TAS1R1: variants seen among roughly 807,000 people sequenced by gnomAD.
TAS1R1 encodes taste receptor type 1 member 1.
In TAS1R1, 31 loss-of-function variants were observed where a neutral mutation model predicts 45.8. That is an observed-to-expected ratio of 0.68 (90% CI 0.51 to 0.91). The LOEUF is 0.91. TAS1R1 is among the 40% of genes least tolerant of loss of function. The probability of loss-of-function intolerance (pLI) is 0.00; values close to 1 mark genes in which losing one functional copy is unlikely to be tolerated. For missense variants in TAS1R1, 1,051 were observed against 1,063.9 expected (o/e 0.99, Z 0.17); for synonymous variants, 437 against 448.4 (o/e 0.97, Z 0.32).
intron 1 of TAS1R1, among the ~76,000 whole-genome samples, chr1:6,566,214 G>A (rs1264140482): frequency 6.6e-6 from 1 of 152,204 alleles, no homozygotes; most frequent in East Asian, 1.9e-4. Flanking sequence ...CTTGGAGAAG[G>A]ACAGTCCCTA....
At position 6,574,937 on chromosome 1, in the gene TAS1R1, A is replaced by G; in HGVS notation, c.805A>G (p.Thr269Ala). The change falls in exon 3 of 6, where the codon ACC (threonine) becomes GCC (alanine). Residue 269 changes from threonine to alanine, a missense_variant. Transcript: ENST00000333172. This position sits in a 1 kb window ranked among gnomAD's most constrained non-coding sequence, Gnocchi z 4.3. ...LMRHLAQAGA[T>A]VVVVFSSRQL... Reference sequence around the variant, plus strand: ...GCGCCACCTGGCCCAGGCCGGGGCCACCGTCGTGGTTGTTTTTTCCAGCCG... The same window carrying G: ...GCGCCACCTGGCCCAGGCCGGGGCCGCCGTCGTGGTTGTTTTTTCCAGCCG... 1 of 1,611,976 alleles carries G rather than the reference A, an allele frequency of 6.2e-7. No individual in the cohort carries two copies. Among genetic ancestry groups the G allele is most frequent in the South Asian group, 1.1e-5 (1 of 91,024 alleles).
chr1:6,560,857 G>A (rs1340584425), intron 1 of TAS1R1, among the ~76,000 whole-genome samples: 3 of 152,030 alleles, frequency 2.0e-5, no homozygotes, highest in African/African-American at 4.8e-5. Context: ...GGTGATGGGC[G>A]CCTGTAGTCC....
At chr1:6,568,898 A>G (rs775723222) in intron 1 of TAS1R1, among the ~76,000 whole-genome samples, 2 of 152,218 alleles carry the variant, frequency 1.3e-5, no homozygotes, top group Admixed American at 6.5e-5. Context: ...ATTCTTTGAT[A>G]TAAGTATCGG....
chr1:6,561,074 G>A (rs902776441), intron 1 of TAS1R1, among the ~76,000 whole-genome samples: 25 of 150,850 alleles, frequency 1.7e-4, no homozygotes, highest in Admixed American at 1.3e-4. Flanking sequence ...ATCATGTCTT[G>A]TACTGTCCCA....
chr1:6,561,350 G>A (rs778540555), intron 1 of TAS1R1, among the ~76,000 whole-genome samples: 15 of 152,272 alleles, frequency 9.9e-5, no homozygotes, highest in Middle Eastern at 3.4e-3. Flanking sequence ...AAGAAGATGC[G>A]CAGTCCACCT....
At chr1:6,561,672 G>A (rs967226924) in intron 1 of TAS1R1, among the ~76,000 whole-genome samples, 7 of 150,072 alleles carry the variant, frequency 4.7e-5, no homozygotes, top group Non-Finnish European at 7.4e-5. Context: ...CCCAGCTCGC[G>A]CCACCGCACT....
chr1:6,579,212 T>G lies in TAS1R1; in HGVS notation c.2154T>G (p.Leu718=). 1 of 1,614,174 alleles carries G rather than the reference T, an allele frequency of 6.2e-7. No homozygotes were observed. The highest frequency in any genetic ancestry group is 8.5e-7 in the Non-Finnish European group (1 of 1,180,032). ...AGCGCTTCCCCCATCTGGTGATGCT[T>G]GAGTGCACAGAGACCAACTCCCTGG... is the stretch of plus-strand genomic sequence containing the variant. ...EYQRFPHLVM[L]ECTETNSLGF... The change falls in exon 6 of 6, where the codon CTT becomes CTG. Residue 718 remains leucine (L), a synonymous_variant. Coordinates refer to ENST00000333172, the MANE Select transcript of TAS1R1 (RefSeq NM_138697.4).
In TAS1R1 at chr1:6,578,917, A is replaced by G. The variant is rs1640278010; in HGVS notation, c.1859A>G (p.Tyr620Cys). 1 of 1,613,266 alleles carries G rather than the reference A, an allele frequency of 6.2e-7. No homozygotes were observed. Among genetic ancestry groups the G allele is most frequent in the Non-Finnish European group, 8.5e-7 (1 of 1,179,532 alleles). The change falls in exon 6 of 6, where the codon TAT becomes TGT. Residue 620 changes from tyrosine (Y) to cysteine (C), a missense_variant. By Grantham distance (194) the Tyr-to-Cys change is radical (BLOSUM62 -2). Coordinates refer to ENST00000333172, the MANE Select transcript of TAS1R1 (RefSeq NM_138697.4). ...GSLAAGSGSL[Y>C]GFFGEPTRPA... Reference sequence around the variant, plus strand: ...CTGGCAGCAGGTAGTGGCAGCCTCTATGGCTTCTTTGGGGAACCCACAAGG... The same window carrying G: ...CTGGCAGCAGGTAGTGGCAGCCTCTGTGGCTTCTTTGGGGAACCCACAAGG...
rs147087066 is a variant in TAS1R1, at chr1:6,574,962, G to A, written c.830G>A (p.Arg277Gln). Residue 277 changes from arginine (R) to glutamine (Q), a missense_variant, in exon 3 of 6, where the codon CGG becomes CAG. By Grantham distance (43) the Arg-to-Gln change is conservative (BLOSUM62 1). Transcript: ENST00000333172. This position sits in a 1 kb window ranked among gnomAD's most constrained non-coding sequence, Gnocchi z 4.3. ...ACCGTCGTGGTTGTTTTTTCCAGCC[G>A]GCAGTTGGCCAGGGTGTTTTTCGAG... ...GATVVVVFSS[R>Q]QLARVFFESV... 9.3e-6 allele frequency: 15 copies of A among 1,607,886 alleles called. No individual in the cohort carries two copies. In the African/African-American group the frequency reaches 9.4e-5, roughly 10 times the overall value.
chr1:6,574,709 A>T lies in TAS1R1; in HGVS notation c.577A>T (p.Lys193Ter). 1.2e-6 allele frequency: 2 copies of T among 1,614,202 alleles called. No individual in the cohort carries two copies. The highest frequency in any genetic ancestry group is 1.7e-6 in the Non-Finnish European group (2 of 1,180,028). ...PSFLRTIPND[K>*]YQVETMVLLL... ...TTTCCTGCGCACCATCCCCAATGAC[A>T]AGTACCAGGTGGAGACCATGGTGCT... is the stretch of plus-strand genomic sequence containing the variant. The change falls in exon 3 of 6, where the codon AAG (lysine) becomes TAG (stop). Residue 193 changes from lysine to a stop codon, truncating the protein, a stop_gained. Transcript: ENST00000333172. LOFTEE classifies it high-confidence loss of function. The surrounding 1 kb of genome is among the most constrained non-coding windows in gnomAD (Gnocchi z 4.3).
chr1:6,564,625 G>C (rs577994056), intron 1 of TAS1R1, among the ~76,000 whole-genome samples: 2 of 152,100 alleles, frequency 1.3e-5, no homozygotes, highest in Non-Finnish European at 2.9e-5. Context: ...ATATGGAGGC[G>C]CCACTGGACG....
intron 1 of TAS1R1, among the ~76,000 whole-genome samples, chr1:6,557,175 G>A (rs981846327): frequency 6.6e-6 from 1 of 151,300 alleles, no homozygotes; most frequent in Non-Finnish European, 1.5e-5. Flanking sequence ...AGTGTATGAC[G>A]ACCTACTCGA....
intron 1 of TAS1R1, 45 bp downstream of exon 1, chr1:6,555,609 T>G (rs1347952286): frequency 1.3e-6 from 2 of 1,512,104 alleles, no homozygotes; most frequent in African/African-American, 1.4e-5. Context: ...GACCCCTGGC[T>G]ATAGGGCCCC....
chr1:6,577,126 G>C (rs955741854), intron 5 of TAS1R1, 56 bp downstream of exon 5: 47 of 1,606,932 alleles, frequency 2.9e-5, no homozygotes, highest in Non-Finnish European at 3.7e-5. Context: ...CTGCACGGTG[G>C]AGGGAGGGCC....
At position 6,574,872 on chromosome 1, in the gene TAS1R1, TCTC is replaced by T; in HGVS notation, c.741_743del (p.Ser248del). On this transcript the variant is annotated inframe_deletion, in exon 3 of 6. Coordinates refer to ENST00000333172, the MANE Select transcript of TAS1R1 (RefSeq NM_138697.4). The surrounding 1 kb of genome is among the most constrained non-coding windows in gnomAD (Gnocchi z 4.3). ...ATTGCTTTCAAGGACATCATGCCCT[TCTC>T]TGCCCAGGTGGGCGATGAGAGGATG... 1 of 1,614,216 alleles carries T rather than the reference TCTC, an allele frequency of 6.2e-7. No homozygotes were observed. The highest frequency in any genetic ancestry group is 8.5e-7 in the Non-Finnish European group (1 of 1,180,034).
chr1:6,569,353 C>T (rs1220508969), intron 1 of TAS1R1, among the ~76,000 whole-genome samples: 1 of 152,086 alleles, frequency 6.6e-6, no homozygotes, highest in Non-Finnish European at 1.5e-5. Flanking sequence ...GTGAAGAAAG[C>T]CTGAACATAA....
intron 1 of TAS1R1, among the ~76,000 whole-genome samples, chr1:6,555,863 CTTCTTTTTTTTT>C (rs534938495): frequency 0.029 from 1,421 of 48,750 alleles, 28 homozygotes; most frequent in Middle Eastern, 0.16. Flanking sequence ...CTTTTTCCCT[CTTCTTTTTTTTT>C]TTTTTTTTTT....
chr1:6,578,557 C>T (rs1640254115), intron 5 of TAS1R1, 96 bp from the exon 6 acceptor site: 4 of 1,506,468 alleles, frequency 2.7e-6, no homozygotes, highest in South Asian at 2.7e-5. Flanking sequence ...AGTCTAGCTG[C>T]CCTGGTACAA....
intron 1 of TAS1R1, among the ~76,000 whole-genome samples, chr1:6,565,085 A>G (rs1025901088): frequency 6.6e-6 from 1 of 152,152 alleles, no homozygotes; most frequent in African/African-American, 2.4e-5. Flanking sequence ...TAGAATTTCT[A>G]TGAATAACTT....
Sources: allele counts gnomAD v4.1 joint callset (sites outside exome capture counted in the v4.1 genomes callset), GRCh38; gene constraint gnomAD v4.1.1; non-coding constraint Gnocchi (gnomAD v3.1); transcripts MANE v1.5; gene names NCBI Gene and HGNC (gene_info 2026-07-23, HGNC 2026-07-21).